The following ITGA10 variants were observed in gnomAD, a reference collection of about 807,000 sequenced individuals.
The protein encoded by ITGA10 is integrin subunit alpha 10.
A neutral mutation model predicts 145.2 loss-of-function variants in ITGA10; 105 were observed. The observed-to-expected ratio is 0.72, with a 90% confidence interval of 0.62 to 0.85. The LOEUF is 0.85. Among genes scored for constraint, ITGA10 ranks in the 40% least tolerant of loss-of-function variants. The probability of loss-of-function intolerance (pLI) is 0.00; values close to 1 mark genes in which losing one functional copy is unlikely to be tolerated. For missense variants in ITGA10, 1,317 were observed against 1,444.5 expected, an observed-to-expected ratio of 0.91 and a Z score of 1.43; for synonymous variants, 506 against 557.8, an observed-to-expected ratio of 0.91 and a Z score of 1.31.
chr1:145,902,854 A>C lies in ITGA10; in HGVS notation c.866T>G (p.Leu289Arg). The change falls in exon 8 of 30, where the codon CTA becomes CGA. Residue 289 changes from leucine to arginine, a missense_variant. Physicochemically the swap from Leu to Arg is moderately radical, Grantham distance 102 (BLOSUM62 -2). Transcript: ENST00000369304. Reference sequence around the variant, plus strand: ...CACTCTTCCAGCCTCACAGGCCTTTAGTGCTGCAGGAAGCTCCTCTCCATC... The same window carrying C: ...CACTCTTCCAGCCTCACAGGCCTTTCGTGCTGCAGGAAGCTCCTCTCCATC... The part of the protein sequence containing the change: ...SHDGEELPAA[L>R]KACEAGRVTR... The C allele has an allele frequency of 6.2e-7, 1 of 1,613,740 alleles. No individual in the cohort carries two copies. Among genetic ancestry groups the C allele is most frequent in the South Asian group, 1.1e-5 (1 of 91,038 alleles).
chr1:145,894,216 A>G (rs1553744137), intron 27 of ITGA10, among the ~76,000 whole-genome samples: 1 of 149,514 alleles, frequency 6.7e-6, no homozygotes, highest in Non-Finnish European at 1.5e-5. Flanking sequence ...GGTTAATGCC[A>G]TTCTCCTGCC....
chr1:145,892,705 C>T lies in ITGA10; in HGVS notation c.*93G>A. 1.1e-6 allele frequency: 1 copy of T among 948,640 alleles called. No individual in the cohort carries two copies. Among genetic ancestry groups the T allele is most frequent in the Admixed American group, 1.9e-5 (1 of 51,954 alleles). The allele number at this position is 948,640 out of a possible 1,614,324, so 58.8% of individuals were successfully genotyped here. ...GTCTGGGGAGATAGTCCAGAGGCGG[C>T]TTCTTGTCCCATCTGAGCCCCCAAA... On this transcript the variant is annotated 3_prime_UTR_variant, in exon 30 of 30. Transcript: ENST00000369304.
Position 145,906,431 on chromosome 1 carries a change from T to A in ITGA10, c.444A>T (p.Ser148=). Residue 148 remains serine, a synonymous_variant, in exon 5 of 30, where the codon TCA becomes TCT. Transcript: ENST00000369304. ...GTGCCAGGCTTCCCTGAGGCTGGAATGAAGCATCCACACGGGCACATATCC... is the reference window on the plus strand; with the variant it reads ...GTGCCAGGCTTCCCTGAGGCTGGAAAGAAGCATCCACACGGGCACATATCC... ...SSGICARVDA[S]FQPQGSLAPT... is the part of the protein sequence containing the mutation. 6.2e-7 allele frequency: 1 copy of A among 1,614,058 alleles called. No homozygotes were observed.
Position 145,896,452 on chromosome 1 carries a change from C to G in ITGA10, c.2835-100G>C, listed in dbSNP as rs587599647. 27 of 893,190 alleles carry G rather than the reference C, an allele frequency of 3.0e-5. No homozygotes were observed. In the East Asian group the frequency reaches 6.1e-4, roughly 20 times the overall value. The allele number at this position is 893,190 out of a possible 1,614,324, so 55.3% of individuals were successfully genotyped here. A position where few individuals can be genotyped will look rare whatever the true frequency, so the allele number is the denominator to read the frequency against. On this transcript the variant is annotated intron_variant, in intron 23 of 29. Transcript: ENST00000369304. The stretch of plus-strand genomic sequence containing the variant: ...GACGTGGATTCAGAGGAGGCAGGGC[C>G]AGCACATGGATAAAGAGGTGGGGGT...
At chr1:145,895,863 C>T in intron 25 of ITGA10, 120 bp downstream of exon 25, 1 of 1,037,052 alleles carries the variant, frequency 9.6e-7, no homozygotes, top group Non-Finnish European at 1.4e-6. Context: ...AGAAAGCCCC[C>T]CAGAGAGAAG....
chr1:145,905,571 G>A (rs953995715), intron 5 of ITGA10, among the ~76,000 whole-genome samples: 6 of 151,220 alleles, frequency 4.0e-5, no homozygotes, highest in South Asian at 2.1e-4. Context: ...GAGCCACCAC[G>A]CCTGGCCCAT....
intron 26 of ITGA10, 115 bp from the exon 27 acceptor site, chr1:145,895,508 A>G: frequency 4.5e-6 from 6 of 1,330,982 alleles, no homozygotes; most frequent in Non-Finnish European, 5.3e-6. Flanking sequence ...TTTCATTCCC[A>G]CTCCAGATCA....
At chr1:145,902,423 G>T in intron 9 of ITGA10, 31 bp downstream of exon 9, 4 of 1,608,578 alleles carry the variant, frequency 2.5e-6, no homozygotes, top group East Asian at 4.5e-5. Flanking sequence ...AACTTCTCCC[G>T]CCCTGTCCAT....
At chr1:145,902,147 G>C in intron 10 of ITGA10, 99 bp downstream of exon 10, 2 of 1,561,008 alleles carry the variant, frequency 1.3e-6, no homozygotes, top group South Asian at 2.2e-5. Flanking sequence ...GGGAAGGTGA[G>C]CATGGAGGCT....
chr1:145,897,363 G>C, intron 20 of ITGA10, 24 bp from the exon 21 acceptor site: 2 of 1,612,672 alleles, frequency 1.2e-6, no homozygotes, highest in Non-Finnish European at 1.7e-6. Context: ...AATGGAGATA[G>C]AAGCTGGAGC....
chr1:145,900,913 A>T lies in ITGA10; in HGVS notation c.1668T>A (p.Leu556=). 1 of 1,614,116 alleles carries T rather than the reference A, an allele frequency of 6.2e-7. No individual in the cohort carries two copies. The change falls in exon 14 of 30, where the codon CTT becomes CTA. Residue 556 remains leucine, a synonymous_variant. Coordinates refer to ENST00000369304, the MANE Select transcript of ITGA10 (RefSeq NM_003637.5). The stretch of plus-strand genomic sequence containing the variant: ...CAAAACCATCTTGGTTCAGATCAGG[A>T]AGAGCTCCCATGGCAAAGCCAAACC... ...DARFGFAMGA[L]PDLNQDGFAD... is the part of the protein sequence containing the mutation.
chr1:145,901,280 T>G lies in ITGA10; in HGVS notation c.1444-2A>C, dbSNP rs782197920. 1.2e-6 allele frequency: 2 copies of G among 1,613,934 alleles called. No homozygotes were observed. Among genetic ancestry groups the G allele is most frequent in the Non-Finnish European group, 1.7e-6 (2 of 1,179,918 alleles). Reference sequence around the variant, plus strand: ...CTCACTGCCAAAGTATGAACCAATCTGGGGAATGGTGGGTGATGATGACCC... The same window carrying G: ...CTCACTGCCAAAGTATGAACCAATCGGGGGAATGGTGGGTGATGATGACCC... On this transcript the variant is annotated splice_acceptor_variant, in intron 12 of 29. Transcript: ENST00000369304. LOFTEE classifies it high-confidence loss of function. This position sits in a 1 kb window ranked among gnomAD's most constrained non-coding sequence, Gnocchi z 4.3.
intron 1 of ITGA10, among the ~76,000 whole-genome samples, chr1:145,908,162 C>G (rs922314803): frequency 1.3e-5 from 2 of 152,060 alleles, no homozygotes; most frequent in Admixed American, 1.3e-4. Flanking sequence ...CCAGAACAAC[C>G]ATTGCTTCCA....
chr1:145,896,481 T>TGGAG, intron 23 of ITGA10, 129 bp from the exon 24 acceptor site: 2 of 753,612 alleles, frequency 2.7e-6, no homozygotes, highest in Non-Finnish European at 4.7e-6. Flanking sequence ...TGGGGGTACA[T>TGGAG]GGAGAAGACA....
chr1:145,893,636 C>T lies in ITGA10; in HGVS notation c.3229-1G>A. On this transcript the variant is annotated splice_acceptor_variant, in intron 27 of 29. Coordinates refer to ENST00000369304, the MANE Select transcript of ITGA10 (RefSeq NM_003637.5). LOFTEE classifies it high-confidence loss of function. ...CCACCGTCAGGGACTTGAACTTGGCCTATGGAACAAGTGGATAGGAAGACA... is the reference window on the plus strand; with the variant it reads ...CCACCGTCAGGGACTTGAACTTGGCTTATGGAACAAGTGGATAGGAAGACA... 6.2e-7 allele frequency: 1 copy of T among 1,611,610 alleles called. No individual in the cohort carries two copies. The highest frequency in any genetic ancestry group is 8.5e-7 in the Non-Finnish European group (1 of 1,178,674).
In ITGA10 at chr1:145,896,301, C is replaced by CGGGG. The variant is rs1655391290; in HGVS notation, c.2885_2886insCCCC (p.Gly963ProfsTer49). ...TGGTTTTGAATTCTGGGCCAGGACCCACTGGGAGGGTCCCATATGGGTGAA... is the reference window on the plus strand; with the variant it reads ...TGGTTTTGAATTCTGGGCCAGGACCCGGGGACTGGGAGGGTCCCATATGGGTGAA... On this transcript the variant is annotated frameshift_variant, in exon 24 of 30. Transcript: ENST00000369304. LOFTEE classifies it high-confidence loss of function. 1 of 1,614,010 alleles carries CGGGG rather than the reference C, an allele frequency of 6.2e-7. No homozygotes were observed. Among genetic ancestry groups the CGGGG allele is most frequent in the Non-Finnish European group, 8.5e-7 (1 of 1,179,960 alleles).
At position 145,902,614 on chromosome 1, in the gene ITGA10, A is replaced by G; in HGVS notation, c.915T>C (p.Leu305=). The G allele has an allele frequency of 6.2e-7, 1 of 1,601,440 alleles. No individual in the cohort carries two copies. The highest frequency in any genetic ancestry group is 8.5e-7 in the Non-Finnish European group (1 of 1,174,398). ...GRVTRYGIAV[L]GHYLRRQRDP... is the part of the protein sequence containing the mutation. ...CTCGCTGCCGCCGGAGGTAGTGACC[A>G]AGGACCTAAGAGGTCATAAGATCAA... is the stretch of plus-strand genomic sequence containing the variant. Residue 305 remains leucine, a synonymous_variant, in exon 9 of 30, where the codon CTT becomes CTC. Coordinates refer to ENST00000369304, the MANE Select transcript of ITGA10 (RefSeq NM_003637.5).
chr1:145,902,523 TGAA>T lies in ITGA10; in HGVS notation c.1003_1005del (p.Phe335del). The T allele has an allele frequency of 6.2e-7, 1 of 1,613,928 alleles. No individual in the cohort carries two copies. The highest frequency in any genetic ancestry group is 2.2e-5 in the East Asian group (1 of 44,876). ...GTCAGAGCAGCCTCATCTGTGACAT[TGAA>T]GAAGAATCGCTCATCTGGATCACTG... On this transcript the variant is annotated inframe_deletion, in exon 9 of 30. Transcript: ENST00000369304.
At position 145,896,268 on chromosome 1, in the gene ITGA10, C is replaced by T; in HGVS notation, c.2919G>A (p.Arg973=). 6.2e-7 allele frequency: 1 copy of T among 1,611,996 alleles called. No homozygotes were observed. The highest frequency in any genetic ancestry group is 8.5e-7 in the Non-Finnish European group (1 of 1,178,052). The part of the protein sequence containing the change: ...GPGPEFKTTL[R]VQNLGCYVVS... ...TGCCAAGACCCCTCCAGCTTCTCACCCTGAGAGTGGTTTTGAATTCTGGGC... is the reference window on the plus strand; with the variant it reads ...TGCCAAGACCCCTCCAGCTTCTCACTCTGAGAGTGGTTTTGAATTCTGGGC... The change falls in exon 24 of 30, where the codon AGG becomes AGA. Residue 973 remains arginine, a splice_region_variant and synonymous_variant. Transcript: ENST00000369304.
Sources: gnomAD v4.1 joint callset for allele counts (sites outside exome capture counted in the v4.1 genomes callset) on GRCh38, gnomAD v4.1.1 for gene constraint, Gnocchi (gnomAD v3.1) non-coding constraint, MANE v1.5 for transcripts, NCBI Gene and HGNC (gene_info 2026-07-23, HGNC 2026-07-21) for gene names.